SHISA9: variants seen among roughly 807,000 people sequenced by gnomAD.
SHISA9 encodes the protein shisa family member 9.
SHISA9 carries 13 observed loss-of-function variants against 38.0 expected under a neutral mutation model. That is an observed-to-expected ratio of 0.34 (90% CI 0.22 to 0.54). The LOEUF (loss-of-function observed/expected upper bound fraction) is 0.54, where lower values mean the gene tolerates loss of function less well. SHISA9 is among the 20% of genes least tolerant of loss of function. The probability of loss-of-function intolerance (pLI) is 0.91; values close to 1 mark genes in which losing one functional copy is unlikely to be tolerated. For synonymous variants in SHISA9, 275 were observed against 242.0 expected (o/e 1.14, Z -1.27); for missense variants, 538 against 575.8 (o/e 0.93, Z 0.67).
intron 2 of SHISA9, among the ~76,000 whole-genome samples, chr16:13,168,901 T>C (rs906081331): frequency 6.6e-6 from 1 of 152,228 alleles, no homozygotes; most frequent in Non-Finnish European, 1.5e-5. Context: ...ACATGAGAAC[T>C]GGAGACAGAT....
intron 2 of SHISA9, among the ~76,000 whole-genome samples, chr16:13,078,675 G>A (rs778846496): frequency 6.6e-5 from 10 of 152,142 alleles, no homozygotes; most frequent in Non-Finnish European, 5.9e-5. Context: ...CAAGGTACTG[G>A]GATTACAGGC....
chr16:13,421,992 C>T, the SHISA9 span, among the ~76,000 whole-genome samples: 2 of 152,192 alleles, frequency 1.3e-5, no homozygotes, highest in African/African-American at 2.4e-5. Flanking sequence ...TTTCTGCCTG[C>T]ATCCTCTAAT....
the SHISA9 span, among the ~76,000 whole-genome samples, chr16:13,249,706 C>G: frequency 6.6e-6 from 1 of 152,042 alleles, no homozygotes; most frequent in Non-Finnish European, 1.5e-5. Flanking sequence ...CCTCTTCCTT[C>G]TCCTTCACTT....
rs541424888 is a variant in SHISA9 at position 13,203,986 on chromosome 16, T to C, written c.847+437T>C. 7.2e-5 allele frequency among the ~76,000 whole-genome samples: 11 copies of C among 152,238 alleles called. No homozygotes were observed. In the East Asian group the frequency reaches 2.1e-3, roughly 29 times the overall value. Reference sequence around the variant, plus strand: ...TATCATCTATCAATCCATCCACCCATCCACCTATTCACTTATCCATCTATC... The same window carrying C: ...TATCATCTATCAATCCATCCACCCACCCACCTATTCACTTATCCATCTATC... On this transcript the variant is annotated intron_variant, in intron 3 of 4. Transcript: ENST00000558583.
intron 2 of SHISA9, among the ~76,000 whole-genome samples, chr16:13,175,347 A>T (rs1487630113): frequency 6.6e-6 from 1 of 152,220 alleles, no homozygotes; most frequent in Non-Finnish European, 1.5e-5. Flanking sequence ...CATGGGCAAC[A>T]GAATGAGACT....
the SHISA9 span, among the ~76,000 whole-genome samples, chr16:13,505,251 T>C: frequency 6.6e-6 from 1 of 152,212 alleles, no homozygotes; most frequent in Non-Finnish European, 1.5e-5. Flanking sequence ...CAAGTGGGCC[T>C]GGCATAAGAA....
chr16:13,031,973 C>G (rs2072996008), intron 2 of SHISA9, among the ~76,000 whole-genome samples: 1 of 151,984 alleles, frequency 6.6e-6, no homozygotes, highest in African/African-American at 2.4e-5. Flanking sequence ...CCACCCACAT[C>G]TGGTGTTGCA....
chr16:13,262,678 G>GAGGA, the SHISA9 span, among the ~76,000 whole-genome samples: 89 of 55,886 alleles, frequency 1.6e-3, 2 homozygotes, highest in South Asian at 0.012. Flanking sequence ...GGAAGGGAGG[G>GAGGA]AGGAAGGAAG....
chr16:13,359,459 G>C, the SHISA9 span, among the ~76,000 whole-genome samples: 1 of 152,188 alleles, frequency 6.6e-6, no homozygotes, highest in Non-Finnish European at 1.5e-5. Context: ...TTCCTGCCTA[G>C]GTGACAGAGT....
chr16:13,441,749 C>A, the SHISA9 span, among the ~76,000 whole-genome samples: 10 of 152,266 alleles, frequency 6.6e-5, no homozygotes, highest in Admixed American at 4.6e-4. Flanking sequence ...GCCTGTCAAA[C>A]CTGGTGCCGT....
chr16:13,246,405 C>G, the SHISA9 span: 1 of 152,212 alleles, frequency 6.6e-6, no homozygotes, highest in Non-Finnish European at 1.5e-5. Flanking sequence ...GTCCATTAAA[C>G]CTGTTTTTCT....
intron 2 of SHISA9, among the ~76,000 whole-genome samples, chr16:12,939,718 G>T (rs1197449302): frequency 1.3e-5 from 2 of 152,098 alleles, no homozygotes; most frequent in Middle Eastern, 3.2e-3. Context: ...GCCTCTCCCT[G>T]TCTATTGTGC....
At chr16:13,498,033 A>T in the SHISA9 span, among the ~76,000 whole-genome samples, 1 of 152,206 alleles carries the variant, frequency 6.6e-6, no homozygotes, top group African/African-American at 2.4e-5. Flanking sequence ...ATTTGACAAT[A>T]TAGAATCTAT....
the SHISA9 span, among the ~76,000 whole-genome samples, chr16:13,472,289 C>T: frequency 6.6e-6 from 1 of 151,338 alleles, no homozygotes; most frequent in Non-Finnish European, 1.5e-5. Flanking sequence ...TTTTTCTCCT[C>T]TGTCCCCTCA....
intron 2 of SHISA9, among the ~76,000 whole-genome samples, chr16:12,967,072 G>C (rs2071989244): frequency 6.6e-6 from 1 of 152,114 alleles, no homozygotes; most frequent in Non-Finnish European, 1.5e-5. Flanking sequence ...ATTACCCAAA[G>C]GATTATAAAT....
At chr16:12,967,878 C>A (rs2072000461) in intron 2 of SHISA9, among the ~76,000 whole-genome samples, 1 of 151,988 alleles carries the variant, frequency 6.6e-6, no homozygotes, top group African/African-American at 2.4e-5. Context: ...GTTAGAATTA[C>A]CAGGAGATCT....
At chr16:13,020,007 C>CTCTTT in intron 2 of SHISA9, among the ~76,000 whole-genome samples, 1 of 133,926 alleles carries the variant, frequency 7.5e-6, no homozygotes, top group South Asian at 2.5e-4. Context: ...TTCCTTCCTT[C>CTCTTT]CTTCCCTCCT....
the SHISA9 span, among the ~76,000 whole-genome samples, chr16:13,514,145 C>G: frequency 2.0e-5 from 3 of 152,106 alleles, no homozygotes; most frequent in East Asian, 3.9e-4. Context: ...CAGGCAGGCA[C>G]CACCACACTC....
intron 2 of SHISA9, among the ~76,000 whole-genome samples, chr16:13,144,302 G>A (rs2050428263): frequency 2.0e-5 from 3 of 151,962 alleles, no homozygotes; most frequent in Admixed American, 2.0e-4. Flanking sequence ...ACAGGAGTGT[G>A]CCACCATGCC....
Sources: allele counts gnomAD v4.1 joint callset (sites outside exome capture counted in the v4.1 genomes callset), GRCh38; gene constraint gnomAD v4.1.1; transcripts MANE v1.5; gene names NCBI Gene and HGNC (gene_info 2026-07-23, HGNC 2026-07-21).